The following KCNH1 variants were observed in gnomAD, a reference collection of about 807,000 sequenced individuals.
The protein encoded by KCNH1 is voltage-gated delayed rectifier potassium channel KCNH1.
In KCNH1, 27 loss-of-function variants were observed where a neutral mutation model predicts 69.2. The ratio of observed to expected loss-of-function variants is 0.39; its 90% confidence interval spans 0.29 to 0.54. The LOEUF is 0.54. KCNH1 is among the 20% of genes least tolerant of loss of function. The probability of loss-of-function intolerance (pLI) is 0.68; values close to 1 mark genes in which losing one functional copy is unlikely to be tolerated. For synonymous variants in KCNH1, 456 were observed against 487.7 expected (o/e 0.93, Z 0.86); for missense variants, 798 against 1,261.6 (o/e 0.63, Z 5.57).
At chr1:210,741,591 A>T (rs1314743187) in intron 10 of KCNH1, among the ~76,000 whole-genome samples, 3 of 152,188 alleles carry the variant, frequency 2.0e-5, no homozygotes, top group Admixed American at 2.0e-4. Context: ...CAATTGTTCT[A>T]CCCAAGCAAC....
intron 9 of KCNH1, among the ~76,000 whole-genome samples, chr1:210,792,291 CTGTCAACCCCCT>C (rs1480454016): frequency 1.3e-5 from 2 of 152,200 alleles, no homozygotes; most frequent in African/African-American, 4.8e-5. Flanking sequence ...CCAAATCTTC[CTGTCAACCCCCT>C]TTCTAAAACT....
At chr1:211,078,934 A>AAAAAAAAG (rs1553377558) in intron 5 of KCNH1, among the ~76,000 whole-genome samples, 37 of 142,312 alleles carry the variant, frequency 2.6e-4, no homozygotes, top group East Asian at 1.0e-3. Flanking sequence ...AAAAAAAAAA[A>AAAAAAAAG]AAAGAAAGAA....
intron 6 of KCNH1, 135 bp downstream of exon 6, chr1:211,018,648 C>T (rs1689536620): frequency 1.4e-6 from 1 of 732,268 alleles, no homozygotes. Context: ...GCAAGGGTAT[C>T]TATCAAGCAT....
intron 7 of KCNH1, among the ~76,000 whole-genome samples, chr1:210,882,684 A>G (rs1417342826): frequency 6.6e-6 from 1 of 152,174 alleles, no homozygotes; most frequent in Non-Finnish European, 1.5e-5. Flanking sequence ...AGGAGGAGGA[A>G]GAAAGCACAA....
At chr1:211,021,729 A>G (rs1041287253) in intron 5 of KCNH1, among the ~76,000 whole-genome samples, 1 of 152,160 alleles carries the variant, frequency 6.6e-6, no homozygotes, top group Non-Finnish European at 1.5e-5. Context: ...CAATTCCATT[A>G]TCAATAGCTA....
chr1:210,695,502 C>CCTAT (rs578138451), intron 10 of KCNH1, among the ~76,000 whole-genome samples: 2 of 152,152 alleles, frequency 1.3e-5, no homozygotes, highest in Admixed American at 6.5e-5. Flanking sequence ...AATATATTCA[C>CCTAT]CTATCTATCT....
chr1:210,873,104 A>G (rs960500406), intron 7 of KCNH1, among the ~76,000 whole-genome samples: 1 of 152,148 alleles, frequency 6.6e-6, no homozygotes, highest in Non-Finnish European at 1.5e-5. Context: ...CCACTGAACT[A>G]TCATTTTTCA....
intron 8 of KCNH1, among the ~76,000 whole-genome samples, chr1:210,802,328 A>G (rs1684446052): frequency 6.6e-6 from 1 of 152,244 alleles, no homozygotes; most frequent in South Asian, 2.1e-4. Flanking sequence ...GAACATAAGT[A>G]GCTGATCCCA....
chr1:211,116,607 A>C (rs1691587842), intron 1 of KCNH1, among the ~76,000 whole-genome samples: 1 of 152,164 alleles, frequency 6.6e-6, no homozygotes, highest in African/African-American at 2.4e-5. Flanking sequence ...CTTCATAATC[A>C]GACGGACCAA....
chr1:210,737,375 T>C (rs1256253858), intron 10 of KCNH1, among the ~76,000 whole-genome samples: 1 of 152,202 alleles, frequency 6.6e-6, no homozygotes, highest in African/African-American at 2.4e-5. Context: ...ATGTTTGCTA[T>C]CTTACCTGTT....
At chr1:210,910,291 A>AT (rs1362706551) in intron 7 of KCNH1, among the ~76,000 whole-genome samples, 6 of 151,944 alleles carry the variant, frequency 3.9e-5, no homozygotes, top group African/African-American at 1.4e-4. Flanking sequence ...AAAAAAAAAA[A>AT]AAAATCATCA....
intron 10 of KCNH1, among the ~76,000 whole-genome samples, chr1:210,758,211 G>C (rs1266734506): frequency 6.6e-6 from 1 of 152,212 alleles, no homozygotes; most frequent in Non-Finnish European, 1.5e-5. Context: ...CCTGGAAGTG[G>C]AGGTCAAAGC....
intron 8 of KCNH1, among the ~76,000 whole-genome samples, chr1:210,802,544 C>A (rs1232517413): frequency 6.6e-6 from 1 of 152,082 alleles, no homozygotes; most frequent in Non-Finnish European, 1.5e-5. Flanking sequence ...GAGATTAAAT[C>A]TTTTTTATAG....
chr1:210,986,805 T>C (rs1423277405), intron 6 of KCNH1, among the ~76,000 whole-genome samples: 1 of 152,218 alleles, frequency 6.6e-6, no homozygotes, highest in Non-Finnish European at 1.5e-5. Context: ...GTGTTCTCTG[T>C]ATTTCCTGAA....
At position 211,104,155 on chromosome 1, in the gene KCNH1, T is replaced by C. The variant is rs752876275; in HGVS notation, c.204-553A>G. Reference sequence around the variant, plus strand: ...AGAGGGAAATTTGCAACAGATAATATAGAGAAGTAAACAGAGGCAAGATCA... The same window carrying C: ...AGAGGGAAATTTGCAACAGATAATACAGAGAAGTAAACAGAGGCAAGATCA... On this transcript the variant is annotated intron_variant, in intron 2 of 10. Coordinates refer to ENST00000271751, the MANE Select transcript of KCNH1 (RefSeq NM_172362.3). 2.6e-5 allele frequency among the ~76,000 whole-genome samples: 4 copies of C among 152,220 alleles called. 1 individual carries two copies. The highest frequency in any genetic ancestry group is 4.1e-4 in the South Asian group (2 of 4,822).
At chr1:211,087,356 G>A (rs1690971980) in intron 4 of KCNH1, among the ~76,000 whole-genome samples, 1 of 152,090 alleles carries the variant, frequency 6.6e-6, no homozygotes, top group African/African-American at 2.4e-5. Context: ...AAAACAAGAG[G>A]ATTGACTCAT....
intron 7 of KCNH1, among the ~76,000 whole-genome samples, chr1:210,828,212 G>A (rs1180089882): frequency 6.6e-6 from 1 of 152,042 alleles, no homozygotes; most frequent in Non-Finnish European, 1.5e-5. Flanking sequence ...GATTAATTGA[G>A]GAAATGTTCA....
At chr1:210,944,894 A>G (rs1163790224) in intron 6 of KCNH1, among the ~76,000 whole-genome samples, 1 of 152,202 alleles carries the variant, frequency 6.6e-6, no homozygotes, top group Admixed American at 6.5e-5. Flanking sequence ...GAAACTCTGC[A>G]CCCATTAAAC....
At chr1:210,961,331 T>C (rs1688289071) in intron 6 of KCNH1, among the ~76,000 whole-genome samples, 1 of 152,088 alleles carries the variant, frequency 6.6e-6, no homozygotes. Context: ...TTTTCAGGCA[T>C]TTTTTTCCTT....
Sources: gnomAD v4.1 joint callset for allele counts (sites outside exome capture counted in the v4.1 genomes callset) on GRCh38, gnomAD v4.1.1 for gene constraint, MANE v1.5 for transcripts, NCBI Gene and HGNC (gene_info 2026-07-23, HGNC 2026-07-21) for gene names.